RICTOR: variants seen among roughly 807,000 people sequenced by gnomAD.
The protein encoded by RICTOR is RPTOR independent companion of MTOR complex 2.
A neutral mutation model predicts 214.9 loss-of-function variants in RICTOR; 49 were observed. The observed-to-expected ratio is 0.23, with a 90% CI of 0.18 to 0.29. RICTOR has a LOEUF of 0.29. RICTOR is among the 10% of genes least tolerant of loss of function. The pLI is 1.00. For missense variants in RICTOR, 1,625 were observed against 2,047.0 expected (o/e 0.79, Z 3.98); for synonymous variants, 717 against 711.3 (o/e 1.01, Z -0.13).
In RICTOR at chr5:39,002,528, A is replaced by T. The variant is rs1460940680; in HGVS notation, c.392+7T>A. ...CAAAAATATATAAACAAGTCTAGGA[A>T]ATTTACCTAGCTATTAAATAGTCCA... On this transcript the variant is annotated splice_region_variant and intron_variant, in intron 5 of 37. Transcript: ENST00000357387. 1.9e-6 allele frequency: 3 copies of T among 1,582,872 alleles called. No individual in the cohort carries two copies. Among genetic ancestry groups the T allele is most frequent in the African/African-American group, 2.7e-5 (2 of 72,954 alleles).
At chr5:39,046,518 G>A (rs1342006665) in intron 2 of RICTOR, among the ~76,000 whole-genome samples, 2 of 150,278 alleles carry the variant, frequency 1.3e-5, no homozygotes, top group Non-Finnish European at 2.9e-5. Context: ...CATCAACCTG[G>A]TGTTTAAGGC....
At chr5:39,040,258 A>G (rs930350960) in intron 2 of RICTOR, among the ~76,000 whole-genome samples, 2 of 144,476 alleles carry the variant, frequency 1.4e-5, no homozygotes, top group East Asian at 4.2e-4. Flanking sequence ...ATAGGTGGGA[A>G]CTGAACAATG....
In RICTOR at chr5:39,015,488, C is replaced by T. The variant is rs1040960057; in HGVS notation, c.195+5551G>A. 2.0e-5 allele frequency among the ~76,000 whole-genome samples: 3 copies of T among 151,874 alleles called. No individual in the cohort carries two copies. The South Asian group carries it at 6.2e-4, about 32-fold the overall frequency. On this transcript the variant is annotated intron_variant, in intron 3 of 37. Coordinates refer to ENST00000357387, the MANE Select transcript of RICTOR (RefSeq NM_152756.5). ...GGGGGCAATTTTGTCTCCCAGGGAACATTTGGCAATATCTGGAGACATTTC... is the reference window on the plus strand; with the variant it reads ...GGGGGCAATTTTGTCTCCCAGGGAATATTTGGCAATATCTGGAGACATTTC...
At chr5:39,068,268 A>G (rs1759043556) in intron 2 of RICTOR, among the ~76,000 whole-genome samples, 1 of 152,222 alleles carries the variant, frequency 6.6e-6, no homozygotes, top group Non-Finnish European at 1.5e-5. Context: ...AGGAATAGCA[A>G]ACATTCTTCT....
chr5:38,992,758 T>C (rs1752880828), intron 6 of RICTOR, among the ~76,000 whole-genome samples: 1 of 152,186 alleles, frequency 6.6e-6, no homozygotes, highest in African/African-American at 2.4e-5. Context: ...GAGAATGCTT[T>C]CCTCATAAAT....
At chr5:39,061,294 T>A (rs1758527022) in intron 2 of RICTOR, among the ~76,000 whole-genome samples, 1 of 152,094 alleles carries the variant, frequency 6.6e-6, no homozygotes, top group Non-Finnish European at 1.5e-5. Context: ...CAGAAAGTTA[T>A]TTTTTCATTA....
At chr5:38,955,752 C>T (rs754074142) in intron 25 of RICTOR, 48 bp from the exon 26 acceptor site, 2 of 1,026,848 alleles carry the variant, frequency 1.9e-6, no homozygotes, top group Non-Finnish European at 3.1e-6. Flanking sequence ...CAATGAGTCA[C>T]TAAATTTAAA....
intron 2 of RICTOR, among the ~76,000 whole-genome samples, chr5:39,036,821 T>C (rs1330029001): frequency 1.3e-5 from 2 of 152,060 alleles, no homozygotes; most frequent in East Asian, 3.9e-4. Context: ...ATAAAGCAAG[T>C]CCTTGGAGAC....
intron 2 of RICTOR, among the ~76,000 whole-genome samples, chr5:39,041,426 T>C (rs1033249313): frequency 2.0e-5 from 3 of 152,100 alleles, no homozygotes; most frequent in African/African-American, 7.2e-5. Flanking sequence ...CTTTGGGCAA[T>C]GGATAATTAT....
At chr5:39,069,287 T>G (rs1759134001) in intron 2 of RICTOR, among the ~76,000 whole-genome samples, 2 of 152,194 alleles carry the variant, frequency 1.3e-5, no homozygotes, top group Non-Finnish European at 2.9e-5. Flanking sequence ...TGTAATATTG[T>G]CGTTATCATT....
intron 2 of RICTOR, among the ~76,000 whole-genome samples, chr5:39,027,593 A>G (rs918359529): frequency 1.3e-5 from 2 of 152,216 alleles, no homozygotes; most frequent in South Asian, 2.1e-4. Context: ...TAATGTCACC[A>G]TAAGTTACAC....
At chr5:38,990,648 GATATATGAT>G (rs1752591948) in intron 7 of RICTOR, among the ~76,000 whole-genome samples, 2 of 48,030 alleles carry the variant, frequency 4.2e-5, no homozygotes, top group East Asian at 7.0e-4. Context: ...ACATATATCA[GATATATGAT>G]ATATATCAGA....
chr5:39,031,483 T>C (rs1201091917), intron 2 of RICTOR, among the ~76,000 whole-genome samples: 3 of 152,184 alleles, frequency 2.0e-5, no homozygotes, highest in Non-Finnish European at 4.4e-5. Context: ...TGTGCTCTTC[T>C]AACTCATACC....
chr5:39,009,223 G>A (rs1051224866), intron 3 of RICTOR, among the ~76,000 whole-genome samples: 1 of 152,012 alleles, frequency 6.6e-6, no homozygotes, highest in Admixed American at 6.6e-5. Context: ...AGTCAACCTT[G>A]TAGAAAACTA....
chr5:38,959,011 A>G (rs1191248903), intron 22 of RICTOR, among the ~76,000 whole-genome samples, 180 bp from the exon 23 acceptor site: 1 of 152,100 alleles, frequency 6.6e-6, no homozygotes, highest in Non-Finnish European at 1.5e-5. Flanking sequence ...CTTTCTATCT[A>G]GCAGCTTCTT....
intron 2 of RICTOR, among the ~76,000 whole-genome samples, chr5:39,060,704 C>T (rs989875578): frequency 3.3e-5 from 5 of 151,986 alleles, no homozygotes; most frequent in African/African-American, 1.2e-4. Context: ...CTAAAATATA[C>T]ATTTCGGATC....
chr5:38,985,080 G>A (rs980866075), intron 7 of RICTOR, among the ~76,000 whole-genome samples: 1 of 152,116 alleles, frequency 6.6e-6, no homozygotes, highest in Non-Finnish European at 1.5e-5. Flanking sequence ...CAAAGTGCTG[G>A]GATTACAGGC....
intron 31 of RICTOR, 144 bp downstream of exon 31, chr5:38,949,568 C>T: frequency 9.5e-7 from 1 of 1,049,204 alleles, no homozygotes; most frequent in South Asian, 1.6e-5. Context: ...TATCGGGTAA[C>T]AAGGAGCTTA....
At chr5:39,010,847 G>T (rs1754451757) in intron 3 of RICTOR, among the ~76,000 whole-genome samples, 1 of 152,136 alleles carries the variant, frequency 6.6e-6, no homozygotes, top group African/African-American at 2.4e-5. Flanking sequence ...TATTCACAAA[G>T]ATACAATCTG....
Sources: gnomAD v4.1 joint callset for allele counts (sites outside exome capture counted in the v4.1 genomes callset) on GRCh38, gnomAD v4.1.1 for gene constraint, MANE v1.5 for transcripts, NCBI Gene and HGNC (gene_info 2026-07-23, HGNC 2026-07-21) for gene names.